The following ADGRG7 variants were observed in gnomAD, a reference collection of about 807,000 sequenced individuals.
The protein encoded by ADGRG7 is G-protein coupled receptor 128.
A neutral mutation model predicts 88.6 loss-of-function variants in ADGRG7; 82 were observed. That is an observed-to-expected ratio of 0.93 (90% CI 0.77 to 1.11). The LOEUF (loss-of-function observed/expected upper bound fraction) is 1.11, where lower values mean the gene tolerates loss of function less well. Among genes scored for constraint, ADGRG7 ranks in the 50% most tolerant of loss-of-function variants. ADGRG7 has a pLI of 0.00. For synonymous variants in ADGRG7, 381 were observed against 345.2 expected (o/e 1.10, Z -1.15); for missense variants, 945 against 953.4 (o/e 0.99, Z 0.12).
At chr3:100,630,866 C>A in intron 3 of ADGRG7, 57 bp downstream of exon 3, 1 of 877,836 alleles carries the variant, frequency 1.1e-6, no homozygotes, top group Non-Finnish European at 1.7e-6. Context: ...CTGAGTCATA[C>A]CTCTCATACC....
At chr3:100,619,785 C>G (rs571616063) in intron 1 of ADGRG7, among the ~76,000 whole-genome samples, 1 of 152,016 alleles carries the variant, frequency 6.6e-6, no homozygotes, top group South Asian at 2.1e-4. Context: ...AACACCTCTA[C>G]GCAAATAAAC....
intron 15 of ADGRG7, among the ~76,000 whole-genome samples, chr3:100,681,966 A>G (rs1229462490): frequency 6.6e-6 from 1 of 152,176 alleles, no homozygotes; most frequent in Non-Finnish European, 1.5e-5. Context: ...AATCCACATG[A>G]TTGTTAGAAC....
At chr3:100,614,022 G>A (rs779106191) in intron 1 of ADGRG7, among the ~76,000 whole-genome samples, 8 of 152,126 alleles carry the variant, frequency 5.3e-5, no homozygotes, top group Non-Finnish European at 7.4e-5. Flanking sequence ...AACCCATGAG[G>A]CTTAAATGAG....
intron 15 of ADGRG7, among the ~76,000 whole-genome samples, chr3:100,675,497 A>C (rs2094963906): frequency 6.6e-6 from 1 of 152,092 alleles, no homozygotes; most frequent in Non-Finnish European, 1.5e-5. Flanking sequence ...TTGGTTTTTT[A>C]GAATTTTGTT....
At chr3:100,691,164 A>T (rs1576342835) in intron 15 of ADGRG7, among the ~76,000 whole-genome samples, 3 of 152,220 alleles carry the variant, frequency 2.0e-5, no homozygotes. Flanking sequence ...CCTCCGACCC[A>T]GGTGCGAGAT....
chr3:100,659,730 TC>T lies in ADGRG7; in HGVS notation c.1868del (p.Pro623ArgfsTer10). 2 of 1,614,100 alleles carry T rather than the reference TC, an allele frequency of 1.2e-6. No homozygotes were observed. Among genetic ancestry groups the T allele is most frequent in the Non-Finnish European group, 8.5e-7 (1 of 1,179,990 alleles). On this transcript the variant is annotated frameshift_variant, in exon 14 of 16. Transcript: ENST00000273352. LOFTEE classifies it high-confidence loss of function. ...CAGAACCCAATGGTGTTATAAAAAG[TC>T]CGCTGTTGTGGTCATTCATCGTACC... ...IPEPNGVIKS[P>X]LLWSFIVPVT...
intron 1 of ADGRG7, among the ~76,000 whole-genome samples, chr3:100,627,796 C>A (rs1055277397): frequency 6.6e-6 from 1 of 152,008 alleles, no homozygotes; most frequent in African/African-American, 2.4e-5. Flanking sequence ...TTCTTCTGAG[C>A]CTCTTGGATC....
chr3:100,665,248 T>C, intron 14 of ADGRG7: 1 of 540,470 alleles, frequency 1.9e-6, no homozygotes. Flanking sequence ...TCCCATCCAT[T>C]ATGTTGATAT....
At chr3:100,619,380 C>T (rs1707275360) in intron 1 of ADGRG7, among the ~76,000 whole-genome samples, 1 of 152,126 alleles carries the variant, frequency 6.6e-6, no homozygotes, top group Non-Finnish European at 1.5e-5. Flanking sequence ...ACACAACACA[C>T]CAGAATCTCT....
At position 100,652,518 on chromosome 3, in the gene ADGRG7, C is replaced by T. The variant is rs138106036; in HGVS notation, c.1380-2317C>T. Reference sequence around the variant, plus strand: ...GTAGAGATTTTATAACTTTTATTGGCGAGGAACTGTCTGCCATAGTGTACA... The same window carrying T: ...GTAGAGATTTTATAACTTTTATTGGTGAGGAACTGTCTGCCATAGTGTACA... On this transcript the variant is annotated intron_variant, in intron 11 of 15. Transcript: ENST00000273352. 3.6e-3 allele frequency among the ~76,000 whole-genome samples: 553 copies of T among 152,098 alleles called. 5 individuals are homozygous for T. Among genetic ancestry groups the T allele is most frequent in the Non-Finnish European group, 5.2e-3 (351 of 67,996 alleles).
intron 15 of ADGRG7, 26 bp from the exon 16 acceptor site, chr3:100,694,718 A>G (rs2094999265): frequency 6.2e-7 from 1 of 1,605,564 alleles, no homozygotes; most frequent in Non-Finnish European, 8.5e-7. Context: ...CACTTACCCA[A>G]CATTAAACTT....
chr3:100,650,113 T>A (rs1212587012), intron 11 of ADGRG7, among the ~76,000 whole-genome samples: 1 of 152,238 alleles, frequency 6.6e-6, no homozygotes, highest in African/African-American at 2.4e-5. Context: ...GAACCATGCC[T>A]AGCAATTTGT....
chr3:100,609,742 G>A lies in ADGRG7; in HGVS notation c.-115G>A. The A allele has an allele frequency of 1.4e-6, 1 of 694,758 alleles. No individual in the cohort carries two copies. Among genetic ancestry groups the A allele is most frequent in the Non-Finnish European group, 2.5e-6 (1 of 395,706 alleles). 43.0% of individuals were successfully genotyped at this position (694,758 alleles called of 1,614,324 possible). ...AAAGACATCCATCTGACAGATCACT[G>A]AGGGGAGGACTTGTTTTTCTGTTTT... On this transcript the variant is annotated 5_prime_UTR_variant, in exon 1 of 16. An upstream open reading frame in the 5' UTR loses its in-frame stop. Transcript: ENST00000273352.
At position 100,695,134 on chromosome 3, in the gene ADGRG7, C is replaced by T. The variant is rs2095000259; in HGVS notation, c.*133C>T. 1.1e-6 allele frequency: 1 copy of T among 890,450 alleles called. No homozygotes were observed. Among genetic ancestry groups the T allele is most frequent in the Non-Finnish European group, 1.7e-6 (1 of 589,804 alleles). 55.2% of individuals were successfully genotyped at this position (890,450 alleles called of 1,614,324 possible). On this transcript the variant is annotated 3_prime_UTR_variant, in exon 16 of 16. Coordinates refer to ENST00000273352, the MANE Select transcript of ADGRG7 (RefSeq NM_032787.3). The stretch of plus-strand genomic sequence containing the variant: ...GCTCAGGATTAAGAATTAGATAAAA[C>T]CTGTTGTTTATTATTATTCGGCATA...
At chr3:100,660,129 G>A (rs79351819) in intron 14 of ADGRG7, among the ~76,000 whole-genome samples, 6 of 152,122 alleles carry the variant, frequency 3.9e-5, no homozygotes, top group Admixed American at 2.0e-4. Context: ...AAAAATTTTC[G>A]TCCCTTATCC....
intron 1 of ADGRG7, among the ~76,000 whole-genome samples, chr3:100,618,617 T>C (rs1707260662): frequency 6.6e-6 from 1 of 152,222 alleles, no homozygotes; most frequent in Non-Finnish European, 1.5e-5. Context: ...TTGGTTACTG[T>C]AGCCTTGTAG....
chr3:100,691,284 A>T (rs945246529), intron 15 of ADGRG7, among the ~76,000 whole-genome samples: 2 of 152,172 alleles, frequency 1.3e-5, no homozygotes, highest in African/African-American at 4.8e-5. Context: ...TGACTAGGAA[A>T]GGGAATTCCC....
At chr3:100,662,346 A>T (rs1252610245) in intron 14 of ADGRG7, among the ~76,000 whole-genome samples, 1 of 152,182 alleles carries the variant, frequency 6.6e-6, no homozygotes. Context: ...ACAGTAAAAA[A>T]ATTTAGCAAC....
intron 14 of ADGRG7, among the ~76,000 whole-genome samples, chr3:100,661,946 T>C (rs1219331153): frequency 3.3e-5 from 5 of 152,170 alleles, no homozygotes; most frequent in African/African-American, 1.2e-4. Flanking sequence ...ATTCCAGTAT[T>C]ATCAGTTTAT....
Sources: allele counts gnomAD v4.1 joint callset (sites outside exome capture counted in the v4.1 genomes callset), GRCh38; gene constraint gnomAD v4.1.1; transcripts MANE v1.5; gene names NCBI Gene and HGNC (gene_info 2026-07-23, HGNC 2026-07-21).